The following CDH13 variants were observed in gnomAD, a reference collection of about 807,000 sequenced individuals.
The protein encoded by CDH13 is cadherin-13.
In CDH13, 24 loss-of-function variants were observed where a neutral mutation model predicts 63.8. That is an observed-to-expected ratio of 0.38 (90% CI 0.27 to 0.53). The LOEUF (loss-of-function observed/expected upper bound fraction) is 0.53. Among genes scored for constraint, CDH13 ranks in the 20% least tolerant of loss-of-function variants. CDH13 has a pLI of 0.85. For synonymous variants in CDH13, 503 were observed against 355.3 expected, an observed-to-expected ratio of 1.42 and a Z score of -4.67; for missense variants, 1,049 against 903.1, an observed-to-expected ratio of 1.16 and a Z score of -2.07.
At chr16:83,554,768 A>T (rs1455826147) in intron 7 of CDH13, among the ~76,000 whole-genome samples, 3 of 152,096 alleles carry the variant, frequency 2.0e-5, no homozygotes, top group Non-Finnish European at 4.4e-5. Flanking sequence ...CTTATTATTG[A>T]TCTTTGTAGC....
chr16:82,792,767 C>G (rs2036382424), intron 1 of CDH13, among the ~76,000 whole-genome samples: 1 of 152,212 alleles, frequency 6.6e-6, no homozygotes, highest in Non-Finnish European at 1.5e-5. Flanking sequence ...TATACCTCTG[C>G]TAGTTGAATG....
intron 7 of CDH13, among the ~76,000 whole-genome samples, chr16:83,509,849 C>G (rs941693745): frequency 5.3e-5 from 8 of 152,196 alleles, no homozygotes; most frequent in African/African-American, 1.9e-4. Flanking sequence ...CCTTGTTTTC[C>G]TCATGGCACA....
At chr16:82,929,783 A>G (rs561048982) in intron 2 of CDH13, among the ~76,000 whole-genome samples, 46 of 151,644 alleles carry the variant, frequency 3.0e-4, no homozygotes, top group Non-Finnish European at 4.4e-4. Context: ...TAAGAAATAA[A>G]TTTCTGCTGT....
intron 6 of CDH13, among the ~76,000 whole-genome samples, chr16:83,442,260 G>A (rs988859293): frequency 2.0e-5 from 3 of 152,206 alleles, no homozygotes; most frequent in East Asian, 1.9e-4. Context: ...AGGTATTTGA[G>A]GTAGATGAAC....
At chr16:83,466,325 T>A (rs2073314178) in intron 6 of CDH13, among the ~76,000 whole-genome samples, 1 of 152,122 alleles carries the variant, frequency 6.6e-6, no homozygotes, top group African/African-American at 2.4e-5. Flanking sequence ...GGCATGGGGT[T>A]TTATTAGGGG....
intron 10 of CDH13, among the ~76,000 whole-genome samples, chr16:83,746,379 AG>A (rs1912586012): frequency 6.6e-6 from 1 of 152,142 alleles, no homozygotes; most frequent in Admixed American, 6.5e-5. Flanking sequence ...CCTCCCCCTG[AG>A]GACACTTCTG....
chr16:83,567,149 TC>T (rs1245344938), intron 7 of CDH13, among the ~76,000 whole-genome samples: 6 of 152,198 alleles, frequency 3.9e-5, no homozygotes, highest in African/African-American at 1.4e-4. Context: ...GATCCTTGAC[TC>T]CCCAGCCAGG....
intron 2 of CDH13, among the ~76,000 whole-genome samples, chr16:82,863,427 T>A (rs1392447558): frequency 6.6e-6 from 1 of 152,224 alleles, no homozygotes; most frequent in Admixed American, 6.5e-5. Context: ...GTTACAATAC[T>A]GTGGTTAAGA....
chr16:83,168,013 A>G (rs2037757890), intron 4 of CDH13, among the ~76,000 whole-genome samples: 1 of 152,032 alleles, frequency 6.6e-6, no homozygotes, highest in African/African-American at 2.4e-5. Flanking sequence ...ACTCACGGAC[A>G]TAAAGATGGC....
intron 1 of CDH13, among the ~76,000 whole-genome samples, chr16:82,729,915 G>C (rs2033309516): frequency 6.6e-6 from 1 of 152,182 alleles, no homozygotes; most frequent in South Asian, 2.1e-4. Context: ...ACACTCTTAT[G>C]TTATGAAGAA....
intron 4 of CDH13, among the ~76,000 whole-genome samples, chr16:83,132,014 T>C (rs1348327731): frequency 6.6e-6 from 1 of 152,226 alleles, no homozygotes; most frequent in Non-Finnish European, 1.5e-5. Context: ...TGCATCTGAT[T>C]CTTAGAGGTC....
At chr16:83,220,699 G>C (rs1355533814) in intron 5 of CDH13, among the ~76,000 whole-genome samples, 1 of 151,284 alleles carries the variant, frequency 6.6e-6, no homozygotes, top group Non-Finnish European at 1.5e-5. Flanking sequence ...GAGCCTGCAG[G>C]TGAATGTGTT....
chr16:82,627,339 T>TGC (rs1555525840), intron 1 of CDH13, among the ~76,000 whole-genome samples: 1,596 of 36,912 alleles, frequency 0.043, 24 homozygotes, highest in African/African-American at 0.11. Context: ...CTGGCGTGCG[T>TGC]GTGTGTGTGT....
At chr16:83,045,634 TAAAAAAA>T (rs71382861) in intron 3 of CDH13, among the ~76,000 whole-genome samples, 41,792 of 107,900 alleles carry the variant, frequency 0.39, 6,890 homozygotes, top group East Asian at 0.53. Flanking sequence ...AAGATTCCTT[TAAAAAAA>T]AAAAAAAAAA....
At chr16:83,257,320 T>C (rs566279006) in intron 5 of CDH13, among the ~76,000 whole-genome samples, 1 of 152,090 alleles carries the variant, frequency 6.6e-6, no homozygotes, top group Non-Finnish European at 1.5e-5. Context: ...TTCATCGTAT[T>C]TTTTTTCTTT....
At chr16:83,358,161 C>G (rs1030121600) in intron 6 of CDH13, among the ~76,000 whole-genome samples, 1 of 152,152 alleles carries the variant, frequency 6.6e-6, no homozygotes, top group Non-Finnish European at 1.5e-5. Flanking sequence ...GACTGTATTG[C>G]TCAGCCTCCC....
At chr16:82,728,538 C>G (rs565911283) in intron 1 of CDH13, among the ~76,000 whole-genome samples, 1 of 152,180 alleles carries the variant, frequency 6.6e-6, no homozygotes, top group East Asian at 1.9e-4. Flanking sequence ...AAAACGTGTG[C>G]ATACCTTAAT....
intron 11 of CDH13, among the ~76,000 whole-genome samples, chr16:83,755,355 A>G (rs572588098): frequency 2.0e-5 from 3 of 152,320 alleles, no homozygotes; most frequent in Admixed American, 6.5e-5. Flanking sequence ...ACAGAAGGAT[A>G]GGAGAGTGCT....
chr16:82,727,174 C>A (rs1414869619), intron 1 of CDH13, among the ~76,000 whole-genome samples: 1 of 152,096 alleles, frequency 6.6e-6, no homozygotes, highest in Non-Finnish European at 1.5e-5. Flanking sequence ...GCAGCCGTTA[C>A]TGCATTTTAT....
Sources: gnomAD v4.1 joint callset for allele counts (sites outside exome capture counted in the v4.1 genomes callset) on GRCh38, gnomAD v4.1.1 for gene constraint, MANE v1.5 for transcripts, NCBI Gene and HGNC (gene_info 2026-07-23, HGNC 2026-07-21) for gene names.